The following ATP8B4 variants were observed in gnomAD, a reference collection of about 807,000 sequenced individuals.
The protein encoded by ATP8B4 is ATPase phospholipid transporting 8B4 (putative).
A neutral mutation model predicts 145.6 loss-of-function variants in ATP8B4; 133 were observed. The ratio of observed to expected loss-of-function variants is 0.91; its 90% CI spans 0.79 to 1.05. The LOEUF is 1.05. Among genes scored for constraint, ATP8B4 ranks in the 50% least tolerant of loss-of-function variants. The pLI, the probability that ATP8B4 is intolerant of heterozygous loss-of-function variation, is 0.00. For synonymous variants in ATP8B4, 507 were observed against 492.9 expected, an observed-to-expected ratio of 1.03 and a Z score of -0.38; for missense variants, 1,458 against 1,425.2, an observed-to-expected ratio of 1.02 and a Z score of -0.37.
chr15:50,002,128 A>G, intron 8 of ATP8B4, 25 bp downstream of exon 8: 1 of 1,567,558 alleles, frequency 6.4e-7, no homozygotes, highest in Non-Finnish European at 8.7e-7. Flanking sequence ...AAACCAACCA[A>G]ATTATTCTAA....
intron 1 of ATP8B4, among the ~76,000 whole-genome samples, chr15:50,163,614 C>T (rs1304922254): frequency 6.6e-6 from 1 of 152,178 alleles, no homozygotes; most frequent in Non-Finnish European, 1.5e-5. Flanking sequence ...CACCCAAGGC[C>T]TATGGTGACA....
chr15:49,977,239 A>G (rs2045746327), intron 12 of ATP8B4, among the ~76,000 whole-genome samples: 1 of 152,184 alleles, frequency 6.6e-6, no homozygotes, highest in Non-Finnish European at 1.5e-5. Context: ...CATTCCGGAC[A>G]GAAATACCTG....
At chr15:50,088,427 C>T (rs1178824596) in intron 2 of ATP8B4, among the ~76,000 whole-genome samples, 1 of 152,112 alleles carries the variant, frequency 6.6e-6, no homozygotes, top group African/African-American at 2.4e-5. Context: ...CATTCAACTC[C>T]AGCCTCAGTG....
At chr15:50,015,227 G>A (rs1377336258) in intron 6 of ATP8B4, among the ~76,000 whole-genome samples, 1 of 152,214 alleles carries the variant, frequency 6.6e-6, no homozygotes, top group Non-Finnish European at 1.5e-5. Flanking sequence ...AGAAACTACT[G>A]TGGTTGACAA....
intron 13 of ATP8B4, among the ~76,000 whole-genome samples, chr15:49,963,261 C>A (rs1245434507): frequency 6.6e-6 from 1 of 152,074 alleles, no homozygotes; most frequent in Non-Finnish European, 1.5e-5. Flanking sequence ...ACTAAAAGGT[C>A]AAAAAATAAC....
chr15:50,013,595 T>A (rs2048875261), intron 6 of ATP8B4, among the ~76,000 whole-genome samples: 1 of 152,090 alleles, frequency 6.6e-6, no homozygotes, highest in Admixed American at 6.6e-5. Context: ...AAGATAGCCT[T>A]TACCTTAGCA....
intron 9 of ATP8B4, among the ~76,000 whole-genome samples, chr15:49,991,090 C>T (rs76610575): frequency 6.6e-6 from 1 of 152,146 alleles, no homozygotes; most frequent in Non-Finnish European, 1.5e-5. Flanking sequence ...GGAATCTATG[C>T]CTCATGAGTC....
intron 8 of ATP8B4, among the ~76,000 whole-genome samples, chr15:49,999,486 T>A (rs2047710706): frequency 6.6e-6 from 1 of 151,838 alleles, no homozygotes; most frequent in Non-Finnish European, 1.5e-5. Context: ...TATACATATG[T>A]AACTAACCTG....
At chr15:50,088,371 C>A (rs1375024915) in intron 2 of ATP8B4, among the ~76,000 whole-genome samples, 1 of 150,992 alleles carries the variant, frequency 6.6e-6, no homozygotes. Flanking sequence ...AACAAACAAA[C>A]AAAAAAACCC....
intron 14 of ATP8B4, among the ~76,000 whole-genome samples, chr15:49,957,686 A>C (rs1329526110): frequency 6.6e-6 from 1 of 152,062 alleles, no homozygotes; most frequent in Non-Finnish European, 1.5e-5. Flanking sequence ...TGAGTCAAAA[A>C]AGAGTACTTT....
chr15:50,140,446 T>C (rs2044191049), intron 1 of ATP8B4, among the ~76,000 whole-genome samples: 2 of 152,166 alleles, frequency 1.3e-5, no homozygotes, highest in South Asian at 4.1e-4. Context: ...AGCACTGGGT[T>C]GGATCAACAC....
chr15:49,915,840 T>TG (rs951111446), intron 20 of ATP8B4, among the ~76,000 whole-genome samples: 11 of 151,870 alleles, frequency 7.2e-5, no homozygotes, highest in South Asian at 2.1e-4. Context: ...GCAGGTTTTT[T>TG]TTTTTTTTTT....
At chr15:49,922,479 T>G in intron 17 of ATP8B4, 1 of 396,514 alleles carries the variant, frequency 2.5e-6, no homozygotes. Context: ...TAACCAATAT[T>G]ACCAAACCAT....
intron 1 of ATP8B4, among the ~76,000 whole-genome samples, chr15:50,129,780 G>A (rs762932057): frequency 4.6e-5 from 7 of 151,484 alleles, no homozygotes; most frequent in South Asian, 2.1e-4. Flanking sequence ...AAACCCCGTC[G>A]CTACTAAAAA....
In ATP8B4 at chr15:49,897,370, T is replaced by C. The variant is rs749776151; in HGVS notation, c.2619A>G (p.Leu873=). The change falls in exon 23 of 28, where the codon TTA becomes TTG. Residue 873 remains leucine (L), a synonymous_variant. Coordinates refer to ENST00000284509, the MANE Select transcript of ATP8B4 (RefSeq NM_024837.4). ...RWSYFRMCKF[L]CYFFYKNFAF... is the part of the protein sequence containing the mutation. ...CAAAATTCTTATAGAAGAAATAGCA[T>C]AAGAATTTGCACATTCGGAAATAAG... is the stretch of plus-strand genomic sequence containing the variant. 18 of 1,613,886 alleles carry C rather than the reference T, an allele frequency of 1.1e-5. No homozygotes were observed. The highest frequency in any genetic ancestry group is 1.7e-5 in the Admixed American group (1 of 60,000).
chr15:50,137,619 T>C (rs903185912), intron 1 of ATP8B4, among the ~76,000 whole-genome samples: 2 of 152,224 alleles, frequency 1.3e-5, no homozygotes, highest in African/African-American at 4.8e-5. Flanking sequence ...AAGAAATGCA[T>C]AACAAACAAC....
chr15:50,173,571 G>A (rs537275721), intron 1 of ATP8B4, among the ~76,000 whole-genome samples: 12 of 152,120 alleles, frequency 7.9e-5, no homozygotes, highest in Admixed American at 1.3e-4. Flanking sequence ...GGCAGAAGGC[G>A]GCAGGGCCCT....
intron 19 of ATP8B4, among the ~76,000 whole-genome samples, chr15:49,918,399 G>A (rs1300631348): frequency 6.6e-6 from 1 of 152,120 alleles, no homozygotes; most frequent in East Asian, 1.9e-4. Context: ...TCTTCAAAGT[G>A]TTCCCATCAC....
rs958912921 is a variant in ATP8B4, at chr15:50,046,828, G to A, written c.201+523C>T. Among the ~76,000 whole-genome samples, 7 of 152,256 alleles carry A rather than the reference G, an allele frequency of 4.6e-5. 1 individual carries two copies. The Middle Eastern group carries it at 0.01, about 222-fold the overall frequency. On this transcript the variant is annotated intron_variant, in intron 4 of 27. Transcript: ENST00000284509. ...ATTTAAAGGCAAATTTTAGTTAGGA[G>A]AAAAAGCAAAGGTTACTAAATACCA...
Sources: allele counts gnomAD v4.1 joint callset (sites outside exome capture counted in the v4.1 genomes callset), GRCh38; gene constraint gnomAD v4.1.1; transcripts MANE v1.5; gene names NCBI Gene and HGNC (gene_info 2026-07-23, HGNC 2026-07-21).